NRXN1: variants seen among roughly 807,000 people sequenced by gnomAD.
The protein encoded by NRXN1 is neurexin 1, also known as neurexin-1.
Under a neutral mutation model 150.9 loss-of-function variants are expected in NRXN1, and 39 were observed. That is an observed-to-expected ratio of 0.26 (90% CI 0.20 to 0.34). The LOEUF is 0.34. NRXN1 is among the 10% of genes least tolerant of loss of function. The pLI, the probability that NRXN1 is intolerant of heterozygous loss-of-function variation, is 1.00. For synonymous variants in NRXN1, 924 were observed against 757.0 expected, an observed-to-expected ratio of 1.22 and a Z score of -3.62; for missense variants, 1,815 against 1,949.9, an observed-to-expected ratio of 0.93 and a Z score of 1.30.
chr2:50,211,844 GAC>G (rs1050502961), intron 18 of NRXN1, among the ~76,000 whole-genome samples: 8 of 127,522 alleles, frequency 6.3e-5, no homozygotes, highest in East Asian at 4.2e-4. Flanking sequence ...TCAAGAAGAA[GAC>G]AGGGTAAAAA....
chr2:50,281,938 T>C (rs1172716118), intron 17 of NRXN1, among the ~76,000 whole-genome samples: 1 of 152,156 alleles, frequency 6.6e-6, no homozygotes, highest in Non-Finnish European at 1.5e-5. Flanking sequence ...ATATATTTGG[T>C]CTTGAGAAAA....
chr2:50,704,343 A>C (rs1159502565), intron 5 of NRXN1, among the ~76,000 whole-genome samples: 9 of 152,140 alleles, frequency 5.9e-5, no homozygotes, highest in African/African-American at 2.2e-4. Flanking sequence ...AAGTTTCCTT[A>C]CAATTCTTAA....
chr2:50,212,548 T>A (rs1238020136), intron 18 of NRXN1, among the ~76,000 whole-genome samples: 1 of 151,798 alleles, frequency 6.6e-6, no homozygotes, highest in Non-Finnish European at 1.5e-5. Flanking sequence ...GTTAACTGAA[T>A]AAATGGCAAA....
chr2:50,272,695 T>C (rs2069860529), intron 17 of NRXN1, among the ~76,000 whole-genome samples: 1 of 152,024 alleles, frequency 6.6e-6, no homozygotes, highest in African/African-American at 2.4e-5. Flanking sequence ...CAATAGAGGC[T>C]CAATAGATAC....
At chr2:50,435,908 C>G (rs558022170) in intron 17 of NRXN1, among the ~76,000 whole-genome samples, 2 of 152,194 alleles carry the variant, frequency 1.3e-5, no homozygotes, top group East Asian at 3.9e-4. Flanking sequence ...CCGTGACACA[C>G]AATTTACCTA....
chr2:50,570,189 C>G (rs907313958), intron 8 of NRXN1, among the ~76,000 whole-genome samples: 1 of 151,908 alleles, frequency 6.6e-6, no homozygotes, highest in African/African-American at 2.4e-5. Flanking sequence ...ATAGATCAAG[C>G]TTGTCTCTTG....
intron 21 of NRXN1, among the ~76,000 whole-genome samples, chr2:49,963,651 A>G (rs1676398009): frequency 6.6e-6 from 1 of 152,220 alleles, no homozygotes; most frequent in Non-Finnish European, 1.5e-5. Flanking sequence ...ACCTTCAGAC[A>G]CAGAACAGAA....
At chr2:50,927,077 T>C (rs1687012450) in intron 2 of NRXN1, among the ~76,000 whole-genome samples, 1 of 152,060 alleles carries the variant, frequency 6.6e-6, no homozygotes, top group South Asian at 2.1e-4. Flanking sequence ...GACATTCTAG[T>C]CTCATCCTTA....
intron 2 of NRXN1, among the ~76,000 whole-genome samples, chr2:51,020,579 C>CTAAAAATTTAAA (rs1669448976): frequency 6.6e-6 from 1 of 151,942 alleles, no homozygotes; most frequent in East Asian, 1.9e-4. Flanking sequence ...TAATATCTCC[C>CTAAAAATTTAAA]ACAAATTTTT....
chr2:50,288,084 A>C (rs2072428428), intron 17 of NRXN1, among the ~76,000 whole-genome samples: 1 of 152,156 alleles, frequency 6.6e-6, no homozygotes, highest in Non-Finnish European at 1.5e-5. Flanking sequence ...AAAAAAACTC[A>C]AATAAATTTT....
chr2:50,158,248 G>T (rs148046458), intron 18 of NRXN1, among the ~76,000 whole-genome samples: 1 of 151,432 alleles, frequency 6.6e-6, no homozygotes, highest in East Asian at 2.0e-4. Context: ...TCTGTGGAGC[G>T]TTCATCAGAG....
intron 18 of NRXN1, among the ~76,000 whole-genome samples, chr2:50,097,677 T>C (rs992755101): frequency 4.6e-5 from 7 of 152,214 alleles, no homozygotes; most frequent in Admixed American, 2.0e-4. Flanking sequence ...TTCACTCTTA[T>C]TGCCCAGGCT....
chr2:50,964,885 G>A (rs1042960558), intron 2 of NRXN1, among the ~76,000 whole-genome samples: 1 of 151,268 alleles, frequency 6.6e-6, no homozygotes, highest in Non-Finnish European at 1.5e-5. Context: ...TTAAATCAGG[G>A]GAGTGAAATA....
At chr2:50,077,095 T>A (rs1348252438) in intron 19 of NRXN1, among the ~76,000 whole-genome samples, 1 of 152,196 alleles carries the variant, frequency 6.6e-6, no homozygotes, top group African/African-American at 2.4e-5. Context: ...TACTGTAAGC[T>A]GTCTTATAAA....
chr2:50,673,911 AACCATCATTCTCATCAAACTCATCACCC>A (rs1488170294), intron 5 of NRXN1, among the ~76,000 whole-genome samples: 5 of 152,036 alleles, frequency 3.3e-5, no homozygotes, highest in African/African-American at 1.2e-4. Context: ...TGAAGCTGGA[AACCATCATTCTCATCAAACTCATCACCC>A]GCCTGTCAGG....
intron 18 of NRXN1, chr2:50,199,279 G>A (rs2061990045): frequency 6.6e-6 from 1 of 151,976 alleles, no homozygotes; most frequent in South Asian, 2.1e-4. Context: ...ATGACTGCAG[G>A]TCAAGGATTC....
chr2:50,373,626 AAAAG>A (rs202127677), intron 17 of NRXN1, among the ~76,000 whole-genome samples: 11,489 of 98,156 alleles, frequency 0.12, 926 homozygotes, highest in Middle Eastern at 0.15. Context: ...AGAGAGAAAG[AAAAG>A]AAAGAAAGAA....
intron 5 of NRXN1, chr2:50,739,306 C>T (rs756547746): frequency 1.9e-5 from 9 of 467,166 alleles, no homozygotes; most frequent in African/African-American, 1.2e-4. Context: ...TTCAACATAC[C>T]TCCATTATGC....
At chr2:51,008,442 T>C (rs963844339) in intron 2 of NRXN1, among the ~76,000 whole-genome samples, 1 of 151,886 alleles carries the variant, frequency 6.6e-6, no homozygotes, top group Non-Finnish European at 1.5e-5. Flanking sequence ...TCCAGGAATT[T>C]GTTTTCCTAA....
Sources: gnomAD v4.1 joint callset for allele counts (sites outside exome capture counted in the v4.1 genomes callset) on GRCh38, gnomAD v4.1.1 for gene constraint, MANE v1.5 for transcripts, NCBI Gene and HGNC (gene_info 2026-07-23, HGNC 2026-07-21) for gene names.